Variants in HSF5 observed in about 807,000 individuals in gnomAD.
HSF5 encodes heat shock transcription factor 5.
A neutral mutation model predicts 50.8 loss-of-function variants in HSF5; 5 were observed. The observed-to-expected ratio is 0.10, with a 90% CI of 0.05 to 0.21. The LOEUF (loss-of-function observed/expected upper bound fraction) is 0.21. Among genes scored for constraint, HSF5 ranks in the 10% least tolerant of loss-of-function variants. HSF5 has a pLI of 1.00. For synonymous variants in HSF5, 307 were observed against 307.4 expected (o/e 1.00, Z 0.02); for missense variants, 564 against 762.6 (o/e 0.74, Z 3.07).
At chr17:58,459,171 C>T (rs1974755950) in intron 4 of HSF5, among the ~76,000 whole-genome samples, 1 of 151,642 alleles carries the variant, frequency 6.6e-6, no homozygotes, top group Admixed American at 6.6e-5. Flanking sequence ...TACCATGAAG[C>T]TTGTTGATTT....
chr17:58,465,336 A>G (rs1219986663), intron 3 of HSF5, among the ~76,000 whole-genome samples: 1 of 151,920 alleles, frequency 6.6e-6, no homozygotes, highest in East Asian at 1.9e-4. Flanking sequence ...TATTGTCTCT[A>G]TAACAAGAAA....
At chr17:58,474,755 T>TAAC (rs1974988529) in intron 2 of HSF5, among the ~76,000 whole-genome samples, 1 of 152,142 alleles carries the variant, frequency 6.6e-6, no homozygotes, top group Non-Finnish European at 1.5e-5. Flanking sequence ...TTGGAATACA[T>TAAC]TTTCAGGCTG....
chr17:58,463,326 T>C, intron 3 of HSF5, 23 bp from the exon 4 acceptor site: 1 of 1,577,572 alleles, frequency 6.3e-7, no homozygotes, highest in Non-Finnish European at 8.7e-7. Context: ...AAAATATAAC[T>C]GTTTGGATAG....
intron 2 of HSF5, chr17:58,476,263 T>C: frequency 1.1e-6 from 1 of 947,394 alleles, no homozygotes; most frequent in Admixed American, 1.8e-5. Flanking sequence ...TTCTTCTCCT[T>C]CTTCATCATC....
intron 3 of HSF5, among the ~76,000 whole-genome samples, chr17:58,465,136 C>T: frequency 7.3e-6 from 1 of 136,566 alleles, no homozygotes; most frequent in Admixed American, 7.3e-5. Flanking sequence ...CTTTCTCTCT[C>T]CCTCCCTCCC....
intron 5 of HSF5, among the ~76,000 whole-genome samples, chr17:58,436,469 C>T (rs1375708521): frequency 1.3e-5 from 2 of 151,222 alleles, no homozygotes; most frequent in African/African-American, 4.9e-5. Flanking sequence ...TTATGTTTCA[C>T]AGCAGGAAGC....
intron 2 of HSF5, among the ~76,000 whole-genome samples, chr17:58,470,432 A>G (rs1426881844): frequency 1.3e-5 from 2 of 152,218 alleles, no homozygotes; most frequent in Non-Finnish European, 2.9e-5. Context: ...ATATTATACG[A>G]TTCCTCATGT....
At chr17:58,475,842 A>G (rs566417681) in intron 2 of HSF5, among the ~76,000 whole-genome samples, 4 of 152,154 alleles carry the variant, frequency 2.6e-5, no homozygotes, top group Non-Finnish European at 5.9e-5. Context: ...TTTTTTCCAC[A>G]GAGCTCGTAG....
In HSF5 at chr17:58,487,873, G is replaced by A; in HGVS notation, c.402C>T (p.Asn134=). ...LVHLKRLTSA[N]KAKLAAGLEV... is the part of the protein sequence containing the mutation. ...CCAGGCCGGCCGCCAGCTTGGCCTT[G>A]TTGGCGCTGGTGAGGCGCTTGAGGT... Residue 134 remains asparagine, a synonymous_variant, in exon 1 of 6, where the codon AAC becomes AAT. Transcript: ENST00000323777. The A allele has an allele frequency of 6.2e-7, 1 of 1,605,442 alleles. No individual in the cohort carries two copies. The highest frequency in any genetic ancestry group is 2.3e-5 in the East Asian group (1 of 44,386).
At position 58,420,388 on chromosome 17, in the gene HSF5, A is replaced by G. The variant is rs929239135; in HGVS notation, c.*1972T>C. 2 of 152,188 alleles carry G rather than the reference A, an allele frequency of 1.3e-5. No individual in the cohort carries two copies. Among genetic ancestry groups the G allele is most frequent in the African/African-American group, 4.8e-5 (2 of 41,462 alleles). 9.4% of individuals were successfully genotyped at this position (152,188 alleles called of 1,614,324 possible). The stretch of plus-strand genomic sequence containing the variant: ...ACAAGGCGTGTAAGGATAGCAGGAG[A>G]TCCAGCTCCTTGGTCTGCTGTATTC... On this transcript the variant is annotated 3_prime_UTR_variant, in exon 6 of 6. Transcript: ENST00000323777.
intron 2 of HSF5, among the ~76,000 whole-genome samples, chr17:58,469,763 G>C (rs909147035): frequency 2.0e-5 from 3 of 152,154 alleles, no homozygotes; most frequent in African/African-American, 7.2e-5. Flanking sequence ...CCTGAAGGCA[G>C]TGTTCAGTTG....
At chr17:58,465,182 C>CTTT (rs529950180) in intron 3 of HSF5, among the ~76,000 whole-genome samples, 1 of 69,338 alleles carries the variant, frequency 1.4e-5, no homozygotes, top group Non-Finnish European at 2.6e-5. Flanking sequence ...TATTTCTTTT[C>CTTT]TTTTTTTTTT....
chr17:58,446,651 T>G (rs1167960639), intron 5 of HSF5, among the ~76,000 whole-genome samples: 11 of 152,068 alleles, frequency 7.2e-5, no homozygotes, highest in Non-Finnish European at 1.5e-5. Flanking sequence ...CCTGAATAAA[T>G]TTCCGTGGCA....
rs1238461907 is a variant in HSF5 at position 58,420,996 on chromosome 17, T to C, written c.*1364A>G. The C allele has an allele frequency of 6.6e-6, 1 of 152,650 alleles. No homozygotes were observed. The highest frequency in any genetic ancestry group is 6.5e-5 in the Admixed American group (1 of 15,280). The allele number at this position is 152,650 out of a possible 1,614,324, so 9.5% of individuals were successfully genotyped here. A position where few individuals can be genotyped will look rare whatever the true frequency, so the allele number is the denominator to read the frequency against. On this transcript the variant is annotated 3_prime_UTR_variant, in exon 6 of 6. Transcript: ENST00000323777. Reference sequence around the variant, plus strand: ...TATCACCAAGTGCCTTTTTAATTAGTTTCATATTCCTAGGCTTTCCTTTCG... The same window carrying C: ...TATCACCAAGTGCCTTTTTAATTAGCTTCATATTCCTAGGCTTTCCTTTCG...
intron 5 of HSF5, among the ~76,000 whole-genome samples, chr17:58,454,833 A>G (rs576843165): frequency 3.0e-4 from 45 of 152,342 alleles, no homozygotes; most frequent in Middle Eastern, 3.4e-3. Flanking sequence ...AAGAGGTCAC[A>G]AATAAATAAA....
intron 5 of HSF5, among the ~76,000 whole-genome samples, chr17:58,449,444 A>G (rs1352081977): frequency 6.6e-6 from 1 of 152,236 alleles, no homozygotes; most frequent in African/African-American, 2.4e-5. Context: ...TCATGCCTGT[A>G]ATCCCAACAC....
rs906883323 is a variant in HSF5 at position 58,487,807 on chromosome 17, G to A, written c.468C>T (p.Leu156=). ...CRPPNRFQRL[L]ITSASAATAP... ...CGGTGGCGGCGGAGGCCGAGGTGAT[G>A]AGCAGCCGCTGGAAGCGGTTGGGCG... Residue 156 remains leucine, a synonymous_variant, in exon 1 of 6, where the codon CTC becomes CTT. Coordinates refer to ENST00000323777, the MANE Select transcript of HSF5 (RefSeq NM_001080439.3). 4 of 1,556,124 alleles carry A rather than the reference G, an allele frequency of 2.6e-6. No homozygotes were observed. Among genetic ancestry groups the A allele is most frequent in the East Asian group, 2.4e-5 (1 of 41,182 alleles).
intron 5 of HSF5, among the ~76,000 whole-genome samples, chr17:58,428,470 T>C (rs924480814): frequency 1.3e-5 from 2 of 152,000 alleles, no homozygotes; most frequent in Non-Finnish European, 2.9e-5. Context: ...CCATCCTGGC[T>C]AACACAGTGA....
At chr17:58,471,429 C>T (rs889476228) in intron 2 of HSF5, among the ~76,000 whole-genome samples, 4 of 152,030 alleles carry the variant, frequency 2.6e-5, no homozygotes, top group Non-Finnish European at 5.9e-5. Flanking sequence ...TATTTATGTA[C>T]ATTGATGTAG....
Sources: allele counts gnomAD v4.1 joint callset (sites outside exome capture counted in the v4.1 genomes callset), GRCh38; gene constraint gnomAD v4.1.1; transcripts MANE v1.5; gene names NCBI Gene and HGNC (gene_info 2026-07-23, HGNC 2026-07-21).